SPG11: variants seen among roughly 807,000 people sequenced by gnomAD.
SPG11 encodes SPG11 vesicle trafficking associated, spatacsin.
SPG11 carries 222 observed loss-of-function variants against 274.0 expected under a neutral mutation model. The observed-to-expected ratio is 0.81, with a 90% CI of 0.73 to 0.91. The LOEUF is 0.91. SPG11 is among the 40% of genes least tolerant of loss of function. The pLI is 0.00. For missense variants in SPG11, 3,114 were observed against 2,872.7 expected (o/e 1.08, Z -1.92); for synonymous variants, 1,144 against 1,039.7 (o/e 1.10, Z -1.93).
At chr15:44,570,479 C>CA in intron 34 of SPG11, 46 bp downstream of exon 34, 1 of 1,613,318 alleles carries the variant, frequency 6.2e-7, no homozygotes, top group Non-Finnish European at 8.5e-7. Context: ...CTACTACTCT[C>CA]AAAGGTTTCC....
intron 7 of SPG11, among the ~76,000 whole-genome samples, chr15:44,634,483 G>T (rs2084179675): frequency 6.8e-6 from 1 of 146,660 alleles, no homozygotes. Flanking sequence ...GGGTTTCACT[G>T]CGTTTGGCTA....
At chr15:44,597,302 G>A (rs2083071991) in intron 23 of SPG11, 1 of 272,518 alleles carries the variant, frequency 3.7e-6, no homozygotes, top group Non-Finnish European at 7.2e-6. Context: ...ACTAAAGACG[G>A]GGTTTCTCCA....
chr15:44,619,144 TA>T (rs1036505846), intron 15 of SPG11, among the ~76,000 whole-genome samples: 3 of 152,208 alleles, frequency 2.0e-5, no homozygotes, highest in African/African-American at 7.2e-5. Context: ...TTTAAATCTG[TA>T]ACAAACTGGC....
intron 19 of SPG11, among the ~76,000 whole-genome samples, chr15:44,606,497 GAA>G (rs2140995311): frequency 6.6e-6 from 1 of 152,190 alleles, no homozygotes; most frequent in African/African-American, 2.4e-5. Context: ...GCAAGGAAAG[GAA>G]AAGAGAAGAA....
Position 44,652,085 on chromosome 15 carries a change from A to T in SPG11, c.1007+44T>A, listed in dbSNP as rs745376396. On this transcript the variant is annotated intron_variant, in intron 5 of 39. Transcript: ENST00000261866. ...TGAAAGGGTACAGCGTCAGCATGAT[A>T]AAAAATAAGAACAATAAACTACATG... 3.1e-6 allele frequency: 5 copies of T among 1,611,856 alleles called. No individual in the cohort carries two copies. The African/African-American group carries it at 5.3e-5, about 17-fold the overall frequency.
intron 21 of SPG11, 175 bp downstream of exon 21, chr15:44,600,291 CT>C: frequency 6.4e-6 from 4 of 620,334 alleles, no homozygotes; most frequent in Non-Finnish European, 8.5e-6. Flanking sequence ...TTTTATTTTA[CT>C]TTTTTTGTTT....
intron 7 of SPG11, among the ~76,000 whole-genome samples, chr15:44,646,885 A>G (rs889075429): frequency 3.3e-5 from 5 of 152,114 alleles, no homozygotes; most frequent in Non-Finnish European, 7.3e-5. Flanking sequence ...TATGCTTATT[A>G]CCTGAGTGAT....
intron 32 of SPG11, among the ~76,000 whole-genome samples, chr15:44,573,162 A>G (rs542410598): frequency 4.4e-4 from 67 of 151,160 alleles, no homozygotes; most frequent in Non-Finnish European, 7.4e-4. Context: ...ACTTTTTTGT[A>G]TTTTTAGTAG....
intron 2 of SPG11, among the ~76,000 whole-genome samples, 171 bp from the exon 3 acceptor site, chr15:44,659,474 G>A (rs1284611314): frequency 6.6e-6 from 1 of 152,144 alleles, no homozygotes; most frequent in African/African-American, 2.4e-5. Context: ...CTGGGAGGTA[G>A]GTAAGAGGAT....
chr15:44,585,463 A>G (rs902425671), intron 29 of SPG11, among the ~76,000 whole-genome samples, 173 bp downstream of exon 29: 4 of 149,754 alleles, frequency 2.7e-5, no homozygotes, highest in Non-Finnish European at 5.9e-5. Context: ...TCAGCCGGGC[A>G]TGGTGGTGGG....
rs1232478690 is a variant in SPG11, at chr15:44,652,191, TTCA to T, written c.942_944del (p.Asp314del). ...TGTAGGCAGAGTTAACAGGATCATC[TTCA>T]TCTACGCCCTTAGGTCCTTGAATAG... On this transcript the variant is annotated inframe_deletion, in exon 5 of 40. Coordinates refer to ENST00000261866, the MANE Select transcript of SPG11 (RefSeq NM_025137.4). The T allele has an allele frequency of 1.2e-6, 2 of 1,614,054 alleles. No individual in the cohort carries two copies. Among genetic ancestry groups the T allele is most frequent in the Non-Finnish European group, 1.7e-6 (2 of 1,180,020 alleles).
At chr15:44,658,935 G>A (rs1324714104) in intron 3 of SPG11, 144 bp downstream of exon 3, 2 of 723,018 alleles carry the variant, frequency 2.8e-6, no homozygotes, top group East Asian at 5.0e-5. Flanking sequence ...AAGTTTATGA[G>A]GATCTTTTTC....
intron 36 of SPG11, 100 bp from the exon 37 acceptor site, chr15:44,566,405 C>T: frequency 8.3e-7 from 1 of 1,201,390 alleles, no homozygotes; most frequent in Non-Finnish European, 1.2e-6. Flanking sequence ...ACATCCCAGC[C>T]ATGTTCACAG....
chr15:44,568,925 A>C (rs1431883796), intron 35 of SPG11, among the ~76,000 whole-genome samples: 1 of 152,022 alleles, frequency 6.6e-6, no homozygotes, highest in Admixed American at 6.6e-5. Context: ...TAATCCCAGC[A>C]TTTTGGGAGG....
At chr15:44,597,410 C>CTT (rs2083074422) in intron 23 of SPG11, among the ~76,000 whole-genome samples, 1 of 152,042 alleles carries the variant, frequency 6.6e-6, no homozygotes, top group African/African-American at 2.4e-5. Context: ...CTGTGCCTGG[C>CTT]CAAAAACAGT....
At chr15:44,600,827 G>A (rs1342009829) in intron 20 of SPG11, among the ~76,000 whole-genome samples, 195 bp from the exon 21 acceptor site, 1 of 152,152 alleles carries the variant, frequency 6.6e-6, no homozygotes. Flanking sequence ...ACAAAGATGT[G>A]TACCTGAGAA....
In SPG11 at chr15:44,572,755, GAC is replaced by G. The variant is rs749705821; in HGVS notation, c.6269_6270del (p.Cys2090SerfsTer13). Reference sequence around the variant, plus strand: ...TTCATGCCTACCAATGTGCGGTCTTGACACAGAGTGGTCAGCTGAAGAAATGT... The same window carrying G: ...TTCATGCCTACCAATGTGCGGTCTTGACAGAGTGGTCAGCTGAAGAAATGT... ...SQTFLQLTTL[C>X]QDRTLVGMKL... On this transcript the variant is annotated frameshift_variant, in exon 33 of 40. Transcript: ENST00000261866. LOFTEE classifies it high-confidence loss of function. 10 of 1,613,964 alleles carry G rather than the reference GAC, an allele frequency of 6.2e-6. No homozygotes were observed. Among genetic ancestry groups the G allele is most frequent in the Admixed American group, 1.7e-5 (1 of 59,982 alleles).
chr15:44,592,300 A>C lies in SPG11; in HGVS notation c.4743+31T>G, dbSNP rs760879868. On this transcript the variant is annotated intron_variant, in intron 27 of 39. Transcript: ENST00000261866. ...CATGCATGCCAACCAAGTGCAGATC[A>C]GTGAGAAAGAGCACCATAATTCCAA... 2.6e-5 allele frequency: 34 copies of C among 1,311,556 alleles called. 2 individuals carry two copies. The South Asian group carries it at 4.0e-4, about 15-fold the overall frequency. The allele number at this position is 1,311,556 out of a possible 1,614,324, so 81.2% of individuals were successfully genotyped here.
At chr15:44,640,633 A>G (rs1384379867) in intron 7 of SPG11, among the ~76,000 whole-genome samples, 1 of 152,264 alleles carries the variant, frequency 6.6e-6, no homozygotes, top group African/African-American at 2.4e-5. Flanking sequence ...GGAAAGACCT[A>G]TGAACAGAAT....
Sources: allele counts gnomAD v4.1 joint callset (sites outside exome capture counted in the v4.1 genomes callset), GRCh38; gene constraint gnomAD v4.1.1; transcripts MANE v1.5; gene names NCBI Gene and HGNC (gene_info 2026-07-23, HGNC 2026-07-21).